The following MCF2L2 variants were observed in gnomAD, a reference collection of about 807,000 sequenced individuals.
MCF2L2 encodes the protein MCF.2 cell line derived transforming sequence-like 2.
MCF2L2 carries 102 observed loss-of-function variants against 150.2 expected under a neutral mutation model. That is an observed-to-expected ratio of 0.68 (90% CI 0.58 to 0.80). MCF2L2 has a LOEUF of 0.80. Ranked by LOEUF, MCF2L2 falls within the 30% of genes least tolerant of loss-of-function variation. The probability of loss-of-function intolerance (pLI) is 0.00; values close to 1 mark genes in which losing one functional copy is unlikely to be tolerated. For synonymous variants in MCF2L2, 465 were observed against 491.3 expected, an observed-to-expected ratio of 0.95 and a Z score of 0.71; for missense variants, 1,256 against 1,372.8, an observed-to-expected ratio of 0.91 and a Z score of 1.34.
At chr3:183,278,947 G>A (rs1204625793) in intron 14 of MCF2L2, among the ~76,000 whole-genome samples, 1 of 152,192 alleles carries the variant, frequency 6.6e-6, no homozygotes, top group Non-Finnish European at 1.5e-5. Context: ...GGCTGGTGTG[G>A]AGGTAGAGGG....
chr3:183,299,947 G>T, intron 11 of MCF2L2, 58 bp downstream of exon 11: 1 of 1,562,428 alleles, frequency 6.4e-7, no homozygotes, highest in Non-Finnish European at 8.7e-7. Context: ...CGAGTATGAT[G>T]GAAGCTTCTT....
intron 14 of MCF2L2, among the ~76,000 whole-genome samples, chr3:183,284,988 T>C (rs966589028): frequency 5.3e-5 from 8 of 152,340 alleles, no homozygotes; most frequent in East Asian, 1.9e-4. Flanking sequence ...AGTTTTCTTG[T>C]TGAGAATCAG....
chr3:183,360,284 G>A (rs1281808863), intron 3 of MCF2L2, among the ~76,000 whole-genome samples: 1 of 152,192 alleles, frequency 6.6e-6, no homozygotes, highest in Admixed American at 6.5e-5. Context: ...AGGCCAGATT[G>A]GGGTAGAAGG....
chr3:183,318,035 A>ACACTGGCCTCTGAGAGGT (rs1456033491), intron 7 of MCF2L2, 33 bp downstream of exon 7: 4 of 1,607,810 alleles, frequency 2.5e-6, no homozygotes, highest in Non-Finnish European at 3.4e-6. Flanking sequence ...GCTGGCACAG[A>ACACTGGCCTCTGAGAGGT]CACTGGCCTC....
intron 15 of MCF2L2, among the ~76,000 whole-genome samples, chr3:183,250,573 C>A (rs1236986773): frequency 4.8e-5 from 7 of 145,412 alleles, no homozygotes; most frequent in African/African-American, 1.8e-4. Flanking sequence ...GGTGACAGAG[C>A]GATACTTCGT....
rs754510089 is a variant in MCF2L2 at position 183,179,573 on chromosome 3, T to G, written c.3221+4A>C. ...GCGCTTAGTCTTTCCTCGCTCACAC[T>G]CACGTTTCCTCCTCATCGCGTTCTT... is the stretch of plus-strand genomic sequence containing the variant. On this transcript the variant is annotated splice_donor_region_variant and intron_variant, in intron 29 of 29. Transcript: ENST00000328913. The surrounding 1 kb of genome is among the most constrained non-coding windows in gnomAD (Gnocchi z 4.2). 6.2e-7 allele frequency: 1 copy of G among 1,613,898 alleles called. No homozygotes were observed. Among genetic ancestry groups the G allele is most frequent in the East Asian group, 2.2e-5 (1 of 44,854 alleles).
At chr3:183,402,603 C>T (rs1305272122) in intron 1 of MCF2L2, among the ~76,000 whole-genome samples, 1 of 151,302 alleles carries the variant, frequency 6.6e-6, no homozygotes, top group Non-Finnish European at 1.5e-5. Flanking sequence ...GAGTTCGAGA[C>T]AAGCCTGGGC....
At chr3:183,361,035 G>A (rs1712142178) in intron 3 of MCF2L2, among the ~76,000 whole-genome samples, 1 of 144,482 alleles carries the variant, frequency 6.9e-6, no homozygotes, top group African/African-American at 2.6e-5. Context: ...GAAAAGAAAA[G>A]GAAGAAAGGA....
At chr3:183,199,224 C>T (rs1722175329) in intron 25 of MCF2L2, among the ~76,000 whole-genome samples, 1 of 152,196 alleles carries the variant, frequency 6.6e-6, no homozygotes, top group Admixed American at 6.5e-5. Context: ...GAGCCAGTTG[C>T]ATTCCTGCTA....
chr3:183,371,420 T>C (rs546384718), intron 3 of MCF2L2, among the ~76,000 whole-genome samples: 1 of 150,640 alleles, frequency 6.6e-6, no homozygotes. Context: ...AGTTCATAGG[T>C]AGATAAGAGA....
rs1182974986 is a variant in MCF2L2 at position 183,179,646 on chromosome 3, G to A, written c.3152C>T (p.Ser1051Phe). Residue 1051 changes from serine (S) to phenylalanine (F), a missense_variant, in exon 29 of 30, where the codon TCC becomes TTC. Physicochemically the swap from Ser to Phe is radical, Grantham distance 155. Transcript: ENST00000328913. The surrounding 1 kb of genome is among the most constrained non-coding windows in gnomAD (Gnocchi z 4.2). ...QSDDSHETCS[S>F]KSAFLERGES... ...TCCCCTCTCCAGGAAAGCAGATTTGGAGGAACAGGTTTCGTGACTGTCGTC... is the reference window on the plus strand; with the variant it reads ...TCCCCTCTCCAGGAAAGCAGATTTGAAGGAACAGGTTTCGTGACTGTCGTC... The A allele has an allele frequency of 1.2e-6, 2 of 1,614,174 alleles. No individual in the cohort carries two copies. The highest frequency in any genetic ancestry group is 1.7e-5 in the Admixed American group (1 of 60,022).
At chr3:183,268,077 G>A (rs1726333129) in intron 15 of MCF2L2, among the ~76,000 whole-genome samples, 1 of 152,198 alleles carries the variant, frequency 6.6e-6, no homozygotes, top group Non-Finnish European at 1.5e-5. Flanking sequence ...CCCAATTCAG[G>A]CTTCCCAGAG....
intron 15 of MCF2L2, among the ~76,000 whole-genome samples, chr3:183,235,599 C>T (rs1723789042): frequency 1.1e-5 from 1 of 92,660 alleles, no homozygotes; most frequent in Non-Finnish European, 1.9e-5. Context: ...TGGATATTAG[C>T]CCTTTGTCAG....
intron 13 of MCF2L2, among the ~76,000 whole-genome samples, chr3:183,292,128 AT>A (rs1728186840): frequency 6.6e-6 from 1 of 152,170 alleles, no homozygotes; most frequent in African/African-American, 2.4e-5. Context: ...CAGGAAAGAA[AT>A]ACACTAAATG....
intron 14 of MCF2L2, among the ~76,000 whole-genome samples, chr3:183,278,283 T>TTG (rs144622953): frequency 0.028 from 3,874 of 138,462 alleles, 79 homozygotes; most frequent in African/African-American, 0.063. Flanking sequence ...AATGAAAAAA[T>TTG]TGTGTGTGTG....
intron 1 of MCF2L2, among the ~76,000 whole-genome samples, chr3:183,394,593 C>T (rs890045629): frequency 2.0e-5 from 3 of 152,204 alleles, no homozygotes; most frequent in Non-Finnish European, 4.4e-5. Flanking sequence ...CTGGGTCCTG[C>T]GCTATAGCGA....
At chr3:183,253,866 G>T (rs1190961664) in intron 15 of MCF2L2, 1 of 152,180 alleles carries the variant, frequency 6.6e-6, no homozygotes, top group East Asian at 1.9e-4. Context: ...TGCCGCGGCC[G>T]CATCTTTCCG....
rs1196200412 is a variant in MCF2L2 at position 183,253,067 on chromosome 3, G to A, written c.1863-22050C>T. 2.0e-5 allele frequency among the ~76,000 whole-genome samples: 3 copies of A among 152,334 alleles called. No homozygotes were observed. The South Asian group carries it at 6.2e-4, about 32-fold the overall frequency. ...GATCGCAATTAACTGACGAGCGGCA[G>A]GGAAACACTTCCTGGAATTCTCATC... On this transcript the variant is annotated intron_variant, in intron 15 of 29. Transcript: ENST00000328913.
intron 10 of MCF2L2, among the ~76,000 whole-genome samples, chr3:183,301,796 A>C (rs1171946773): frequency 6.7e-6 from 1 of 148,736 alleles, no homozygotes; most frequent in Admixed American, 6.7e-5. Flanking sequence ...CTGTCTCCAA[A>C]AAAAAAAAAA....
Sources: gnomAD v4.1 joint callset for allele counts (sites outside exome capture counted in the v4.1 genomes callset) on GRCh38, gnomAD v4.1.1 for gene constraint, Gnocchi (gnomAD v3.1) non-coding constraint, MANE v1.5 for transcripts, NCBI Gene and HGNC (gene_info 2026-07-23, HGNC 2026-07-21) for gene names.